The following IQCE variants were observed in gnomAD, a reference collection of about 807,000 sequenced individuals.
IQCE encodes IQ domain-containing protein E.
A neutral mutation model predicts 96.0 loss-of-function variants in IQCE; 115 were observed. The observed-to-expected ratio is 1.20, with a 90% confidence interval of 1.03 to 1.40. The LOEUF is 1.40. Ranked by LOEUF, IQCE falls within the 40% of genes most tolerant of loss-of-function variation. IQCE has a pLI of 0.00. For missense variants in IQCE, 1,041 were observed against 909.1 expected, an observed-to-expected ratio of 1.15 and a Z score of -1.87; for synonymous variants, 412 against 371.2, an observed-to-expected ratio of 1.11 and a Z score of -1.26.
rs770366821 is a variant in IQCE at position 2,605,893 on chromosome 7, C to T, written c.1761C>T (p.Arg587=). The change falls in exon 20 of 22, where the codon CGC becomes CGT. Residue 587 remains arginine, a synonymous_variant. Coordinates refer to ENST00000402050, the MANE Select transcript of IQCE (RefSeq NM_152558.5). Reference sequence around the variant, plus strand: ...CACCCCAGAGCTCTCCTGTGCCCCGCGTTCCGAGCCCCATCGCCCAGGCCA... The same window carrying T: ...CACCCCAGAGCTCTCCTGTGCCCCGTGTTCCGAGCCCCATCGCCCAGGCCA... The part of the protein sequence containing the change: ...GLPDQSSPVP[R]VPSPIAQATG... 1.9e-5 allele frequency: 30 copies of T among 1,605,408 alleles called. No homozygotes were observed. Among genetic ancestry groups the T allele is most frequent in the African/African-American group, 8.0e-5 (6 of 74,570 alleles).
At chr7:2,600,842 G>A (rs1784384547) in intron 17 of IQCE, among the ~76,000 whole-genome samples, 1 of 152,076 alleles carries the variant, frequency 6.6e-6, no homozygotes, top group East Asian at 1.9e-4. Context: ...GGAGGACTTC[G>A]CTCACATCTA....
chr7:2,605,878 C>T lies in IQCE; in HGVS notation c.1746C>T (p.Ser582=), dbSNP rs777688389. The T allele has an allele frequency of 6.3e-7, 1 of 1,595,640 alleles. No homozygotes were observed. The highest frequency in any genetic ancestry group is 1.1e-5 in the South Asian group (1 of 88,250). Residue 582 remains serine, a splice_region_variant and synonymous_variant, in exon 20 of 22, where the codon AGC becomes AGT. Transcript: ENST00000402050. The part of the protein sequence containing the change: ...PPSVPGLPDQ[S]SPVPRVPSPI... Reference sequence around the variant, plus strand: ...TCCCTGCTGTCCTTGCACCCCAGAGCTCTCCTGTGCCCCGCGTTCCGAGCC... The same window carrying T: ...TCCCTGCTGTCCTTGCACCCCAGAGTTCTCCTGTGCCCCGCGTTCCGAGCC...
intron 12 of IQCE, among the ~76,000 whole-genome samples, chr7:2,587,042 C>T (rs1314860365): frequency 1.3e-5 from 2 of 152,142 alleles, no homozygotes; most frequent in Non-Finnish European, 2.9e-5. Flanking sequence ...TGGATGGGGG[C>T]AGCAGTGGGT....
At chr7:2,607,686 GC>G in intron 21 of IQCE, 1 of 370,726 alleles carries the variant, frequency 2.7e-6, no homozygotes, top group Non-Finnish European at 3.9e-6. Context: ...AGCAGGCCCT[GC>G]CTTTCTCTGG....
At chr7:2,593,222 C>A in intron 15 of IQCE, 96 bp downstream of exon 15, 5 of 1,476,800 alleles carry the variant, frequency 3.4e-6, no homozygotes, top group Non-Finnish European at 4.5e-6. Context: ...TGCTGCCAGC[C>A]GGCTTCTTAG....
chr7:2,591,740 C>T lies in IQCE; in HGVS notation c.1245-1282C>T, dbSNP rs550642510. Among the ~76,000 whole-genome samples the T allele has an allele frequency of 2.6e-5, 4 of 152,210 alleles. No homozygotes were observed. The South Asian group carries it at 8.3e-4, about 32-fold the overall frequency. ...AGTTCAAGCAATTCTCATGCCTCAG[C>T]CTCCCAAGTAGCTGGGATTACAGGC... On this transcript the variant is annotated intron_variant, in intron 14 of 21. Transcript: ENST00000402050.
Position 2,564,860 on chromosome 7 carries a change from C to T in IQCE, c.37-2256C>T, listed in dbSNP as rs186153694. 5.3e-5 allele frequency among the ~76,000 whole-genome samples: 8 copies of T among 152,282 alleles called. No individual in the cohort carries two copies. The East Asian group carries it at 9.6e-4, about 18-fold the overall frequency. On this transcript the variant is annotated intron_variant, in intron 1 of 21. Coordinates refer to ENST00000402050, the MANE Select transcript of IQCE (RefSeq NM_152558.5). Reference sequence around the variant, plus strand: ...CTAACTCCTCGTTGATCTTCTGCCTCGCTCTCCTGTCTGTTAGGAGCCTGG... The same window carrying T: ...CTAACTCCTCGTTGATCTTCTGCCTTGCTCTCCTGTCTGTTAGGAGCCTGG...
chr7:2,584,033 G>T (rs574789026), intron 10 of IQCE, among the ~76,000 whole-genome samples: 2 of 151,690 alleles, frequency 1.3e-5, no homozygotes, highest in Admixed American at 6.6e-5. Context: ...CGCTGGCCCC[G>T]GGTGGTGGGC....
At chr7:2,595,056 A>G (rs550681255) in intron 16 of IQCE, 80 bp downstream of exon 16, 7 of 1,004,456 alleles carry the variant, frequency 7.0e-6, no homozygotes, top group African/African-American at 6.3e-5. Context: ...TTCCCTGTCC[A>G]GAGTTTTTTC....
At chr7:2,573,220 T>G (rs1418086622) in intron 5 of IQCE, among the ~76,000 whole-genome samples, 198 bp from the exon 6 acceptor site, 1 of 152,240 alleles carries the variant, frequency 6.6e-6, no homozygotes, top group African/African-American at 2.4e-5. Flanking sequence ...TCTCTCTCTA[T>G]CTACCATTTT....
rs6969432 is a variant in IQCE, at chr7:2,610,111, C to T, written c.2037C>T (p.Ser679=). 1.8e-3 allele frequency: 2,911 copies of T among 1,613,314 alleles called. 35 individuals carry two copies. The African/African-American group carries it at 0.029, about 16-fold the overall frequency. ...GGGATGACGTCAACTCCGATGATTC[C>T]GACGATATTGTCATTGCACCGTCTC... The part of the protein sequence containing the change: ...LPGDDVNSDD[S]DDIVIAPSLP... Residue 679 remains serine, a synonymous_variant, in exon 22 of 22, where the codon TCC becomes TCT. Coordinates refer to ENST00000402050, the MANE Select transcript of IQCE (RefSeq NM_152558.5).
At chr7:2,596,234 G>A (rs749331342) in intron 16 of IQCE, among the ~76,000 whole-genome samples, 9 of 151,740 alleles carry the variant, frequency 5.9e-5, no homozygotes, top group East Asian at 3.9e-4. Context: ...ACTCCATCCC[G>A]GGCCACAGAT....
chr7:2,586,345 C>T lies in IQCE; in HGVS notation c.962C>T (p.Thr321Ile), dbSNP rs1475144504. 2 of 1,613,354 alleles carry T rather than the reference C, an allele frequency of 1.2e-6. No individual in the cohort carries two copies. The highest frequency in any genetic ancestry group is 4.5e-5 in the East Asian group (2 of 44,878). Residue 321 changes from threonine to isoleucine, a missense_variant, in exon 12 of 22, where the codon ACC becomes ATC. By Grantham distance (89) the Thr-to-Ile change is moderately conservative (BLOSUM62 -1). Transcript: ENST00000402050. ...GAGGACCTGGACCGCGTGCTGAGCA[C>T]CTCCCCAACCATCTCCAAGACACAG... ...LKEDLDRVLS[T>I]SPTISKTQGY... is the part of the protein sequence containing the mutation.
intron 18 of IQCE, among the ~76,000 whole-genome samples, chr7:2,602,525 G>T (rs891962970): frequency 9.2e-5 from 14 of 152,198 alleles, no homozygotes; most frequent in African/African-American, 3.4e-4. Flanking sequence ...TTCTCACGCT[G>T]CCTTCCTCCT....
chr7:2,601,568 G>C, intron 18 of IQCE, 104 bp downstream of exon 18: 1 of 903,132 alleles, frequency 1.1e-6, no homozygotes. Context: ...TTTTTTTTTC[G>C]AGATGGAATC....
intron 20 of IQCE, 127 bp from the exon 21 acceptor site, chr7:2,606,997 G>C: frequency 1.2e-6 from 1 of 840,494 alleles, no homozygotes; most frequent in South Asian, 1.8e-5. Flanking sequence ...TGGGGCTCGG[G>C]ACTGGCTCTG....
chr7:2,583,580 G>A, intron 9 of IQCE, 57 bp from the exon 10 acceptor site: 1 of 1,358,886 alleles, frequency 7.4e-7, no homozygotes, highest in Non-Finnish European at 1.0e-6. Context: ...TCTTCCTCTT[G>A]CTCTGTCCCC....
Position 2,612,896 on chromosome 7 carries a change from C to T in IQCE, c.*2734C>T, listed in dbSNP as rs113660655. ...GAAAGTAGACAACTCCCGGGGGAGACGAAGTAGAGAGTGAGTCCCCAAGAA... is the reference window on the plus strand; with the variant it reads ...GAAAGTAGACAACTCCCGGGGGAGATGAAGTAGAGAGTGAGTCCCCAAGAA... On this transcript the variant is annotated 3_prime_UTR_variant, in exon 22 of 22. Coordinates refer to ENST00000402050, the MANE Select transcript of IQCE (RefSeq NM_152558.5). The T allele has an allele frequency of 9.0e-3, 1,370 of 152,232 alleles. 10 individuals carry two copies. The highest frequency in any genetic ancestry group is 0.014 in the Non-Finnish European group (970 of 68,018). 9.4% of individuals were successfully genotyped at this position (152,232 alleles called of 1,614,324 possible). A position where few individuals can be genotyped will look rare whatever the true frequency, so the allele number is the denominator to read the frequency against.
At position 2,568,971 on chromosome 7, in the gene IQCE, T is replaced by C; in HGVS notation, c.102T>C (p.Ala34=). 1 of 1,613,806 alleles carries C rather than the reference T, an allele frequency of 6.2e-7. No individual in the cohort carries two copies. Among genetic ancestry groups the C allele is most frequent in the Non-Finnish European group, 8.5e-7 (1 of 1,180,026 alleles). Residue 34 remains alanine, a synonymous_variant, in exon 3 of 22, where the codon GCT becomes GCC. Coordinates refer to ENST00000402050, the MANE Select transcript of IQCE (RefSeq NM_152558.5). ...SDVETKAKRK[A]FHKPPPTSPK... is the part of the protein sequence containing the mutation. Reference sequence around the variant, plus strand: ...TCTTTCAGAAAGCAAAAAGGAAAGCTTTCCACAAACCTCCACCCACATCGC... The same window carrying C: ...TCTTTCAGAAAGCAAAAAGGAAAGCCTTCCACAAACCTCCACCCACATCGC...
Sources: gnomAD v4.1 joint callset for allele counts (sites outside exome capture counted in the v4.1 genomes callset) on GRCh38, gnomAD v4.1.1 for gene constraint, MANE v1.5 for transcripts, NCBI Gene and HGNC (gene_info 2026-07-23, HGNC 2026-07-21) for gene names.